The following CDK5RAP2 variants were observed in gnomAD, a reference collection of about 807,000 sequenced individuals.
CDK5RAP2 encodes the protein CDK5 regulatory subunit associated protein 2, also known as CDK5 regulatory subunit-associated protein 2.
A neutral mutation model predicts 232.9 loss-of-function variants in CDK5RAP2; 147 were observed. The ratio of observed to expected loss-of-function variants is 0.63; its 90% CI spans 0.55 to 0.72. The LOEUF (loss-of-function observed/expected upper bound fraction) is 0.72. Ranked by LOEUF, CDK5RAP2 falls within the 30% of genes least tolerant of loss-of-function variation. The pLI is 0.00. For synonymous variants in CDK5RAP2, 833 were observed against 833.7 expected, an observed-to-expected ratio of 1.00 and a Z score of 0.01; for missense variants, 2,195 against 2,231.5, an observed-to-expected ratio of 0.98 and a Z score of 0.33.
chr9:120,534,821 C>A (rs1243766949), intron 7 of CDK5RAP2, among the ~76,000 whole-genome samples: 1 of 152,178 alleles, frequency 6.6e-6, no homozygotes, highest in Non-Finnish European at 1.5e-5. Context: ...TTTAACTGCT[C>A]CAGACCTGTA....
At position 120,467,872 on chromosome 9, in the gene CDK5RAP2, T is replaced by C. The variant is rs61749209; in HGVS notation, c.2094A>G (p.Thr698=). ...AAATGTTTCTTACCTCTGTTTGTTC[T>C]GTAGACGCAAGTCTATCTGGAAACC... ...GNGFPDRLAS[T]EQTELLASKE... Residue 698 remains threonine, a synonymous_variant, in exon 18 of 38, where the codon ACA becomes ACG. Transcript: ENST00000349780. 8 of 1,614,216 alleles carry C rather than the reference T, an allele frequency of 5.0e-6. No individual in the cohort carries two copies. Among genetic ancestry groups the C allele is most frequent in the Non-Finnish European group, 8.5e-7 (1 of 1,180,020 alleles).
chr9:120,442,367 T>C (rs2035949506), intron 23 of CDK5RAP2, among the ~76,000 whole-genome samples: 1 of 152,220 alleles, frequency 6.6e-6, no homozygotes, highest in African/African-American at 2.4e-5. Context: ...AAGGCCAAGA[T>C]GCCTGTAAAA....
rs1039987216 is a variant in CDK5RAP2, at chr9:120,439,292, T to A, written c.3722+107A>T. On this transcript the variant is annotated intron_variant, in intron 24 of 37. Coordinates refer to ENST00000349780, the MANE Select transcript of CDK5RAP2 (RefSeq NM_018249.6). Reference sequence around the variant, plus strand: ...CCATCAAGCCTTCCCCAGAACACACTCTACCCATCACAGAGTAGTGTTCTC... The same window carrying A: ...CCATCAAGCCTTCCCCAGAACACACACTACCCATCACAGAGTAGTGTTCTC... 4 of 999,318 alleles carry A rather than the reference T, an allele frequency of 4.0e-6. No individual in the cohort carries two copies. In the Admixed American group the frequency reaches 6.8e-5, roughly 17 times the overall value. 61.9% of individuals were successfully genotyped at this position (999,318 alleles called of 1,614,324 possible).
At chr9:120,481,130 G>A (rs2038282050) in intron 14 of CDK5RAP2, among the ~76,000 whole-genome samples, 1 of 152,196 alleles carries the variant, frequency 6.6e-6, no homozygotes, top group Non-Finnish European at 1.5e-5. Flanking sequence ...ATGACCCAAT[G>A]TGCTTACGTG....
intron 20 of CDK5RAP2, among the ~76,000 whole-genome samples, chr9:120,455,649 G>A (rs560352709): frequency 6.6e-6 from 1 of 152,036 alleles, no homozygotes; most frequent in African/African-American, 2.4e-5. Context: ...AGGCTGAGGT[G>A]GGAGGACGGC....
chr9:120,526,879 A>G (rs2040922172), intron 10 of CDK5RAP2, among the ~76,000 whole-genome samples: 1 of 152,018 alleles, frequency 6.6e-6, no homozygotes, highest in South Asian at 2.1e-4. Context: ...TTTGTCCATA[A>G]TGGCATCCCC....
intron 3 of CDK5RAP2, among the ~76,000 whole-genome samples, chr9:120,565,954 T>C (rs1412372252): frequency 6.6e-6 from 1 of 152,180 alleles, no homozygotes; most frequent in Non-Finnish European, 1.5e-5. Context: ...CAGTGGCATA[T>C]ATTAAAAAAT....
chr9:120,526,271 G>A (rs752237012), intron 10 of CDK5RAP2, among the ~76,000 whole-genome samples: 40 of 152,016 alleles, frequency 2.6e-4, no homozygotes, highest in Non-Finnish European at 5.1e-4. Flanking sequence ...GATGGTCCAC[G>A]GGCTCCTCAA....
chr9:120,566,855 G>C (rs977602376), intron 3 of CDK5RAP2, among the ~76,000 whole-genome samples: 2 of 152,206 alleles, frequency 1.3e-5, no homozygotes, highest in Non-Finnish European at 2.9e-5. Context: ...AATAAAGAGG[G>C]TTGTGTTCAA....
In CDK5RAP2 at chr9:120,434,778, G is replaced by C. The variant is rs928898745; in HGVS notation, c.3955+2517C>G. Among the ~76,000 whole-genome samples the C allele has an allele frequency of 7.2e-5, 11 of 152,224 alleles. No individual in the cohort carries two copies. The South Asian group carries it at 2.3e-3, about 31-fold the overall frequency. On this transcript the variant is annotated intron_variant, in intron 25 of 37. Coordinates refer to ENST00000349780, the MANE Select transcript of CDK5RAP2 (RefSeq NM_018249.6). ...CACGTCAAATACTGCTGCAGTCTGA[G>C]CAAGATGAAGACTGAAAACTGATCC...
chr9:120,512,307 C>A (rs1364755637), intron 12 of CDK5RAP2, among the ~76,000 whole-genome samples: 1 of 152,156 alleles, frequency 6.6e-6, no homozygotes, highest in Admixed American at 6.5e-5. Flanking sequence ...TAGGATCGTG[C>A]CACTACACAA....
chr9:120,472,130 T>C (rs1003425659), intron 15 of CDK5RAP2, among the ~76,000 whole-genome samples: 1 of 152,228 alleles, frequency 6.6e-6, no homozygotes, highest in African/African-American at 2.4e-5. Context: ...GTAATTTACA[T>C]GGCTGAAATA....
chr9:120,530,339 C>T (rs2041095902), intron 7 of CDK5RAP2, among the ~76,000 whole-genome samples, 199 bp from the exon 8 acceptor site: 1 of 152,156 alleles, frequency 6.6e-6, no homozygotes, highest in Non-Finnish European at 1.5e-5. Context: ...CTGCCTCCAG[C>T]CTGGCTCCAG....
At chr9:120,406,491 A>G (rs541232534) in intron 32 of CDK5RAP2, 1 of 156,800 alleles carries the variant, frequency 6.4e-6, no homozygotes, top group South Asian at 1.9e-4. Flanking sequence ...TTTGCTCCAC[A>G]CCCTGGGTGG....
At position 120,437,401 on chromosome 9, in the gene CDK5RAP2, C is replaced by T; in HGVS notation, c.3849G>A (p.Glu1283=). 1 of 1,614,146 alleles carries T rather than the reference C, an allele frequency of 6.2e-7. No individual in the cohort carries two copies. The highest frequency in any genetic ancestry group is 8.5e-7 in the Non-Finnish European group (1 of 1,179,988). Residue 1283 remains glutamate (E), a synonymous_variant, in exon 25 of 38, where the codon GAG becomes GAA. Transcript: ENST00000349780. ...AATCCACATCACTGGCCTGCAGCAACTCCTCAAATGCCTTAATCATGGTGT... is the reference window on the plus strand; with the variant it reads ...AATCCACATCACTGGCCTGCAGCAATTCCTCAAATGCCTTAATCATGGTGT... ...HMNTMIKAFE[E]LLQASDVDYC... is the part of the protein sequence containing the mutation.
Position 120,436,335 on chromosome 9 carries a change from A to T in CDK5RAP2, c.3955+960T>A, listed in dbSNP as rs546281395. 3.3e-5 allele frequency among the ~76,000 whole-genome samples: 5 copies of T among 152,316 alleles called. No homozygotes were observed. In the South Asian group the frequency reaches 1.0e-3, roughly 32 times the overall value. On this transcript the variant is annotated intron_variant, in intron 25 of 37. Coordinates refer to ENST00000349780, the MANE Select transcript of CDK5RAP2 (RefSeq NM_018249.6). ...TATTGAAGTATGTTCACATCACGAA[A>T]AGAAGAAAGGGTGAGGAACTACTCC...
intron 5 of CDK5RAP2, among the ~76,000 whole-genome samples, chr9:120,541,817 G>A (rs1292532379): frequency 6.6e-6 from 1 of 152,240 alleles, no homozygotes; most frequent in Non-Finnish European, 1.5e-5. Flanking sequence ...AAGGATCTCA[G>A]TAAGTGTTAG....
chr9:120,444,168 C>T (rs551879751), intron 22 of CDK5RAP2, among the ~76,000 whole-genome samples: 2 of 152,246 alleles, frequency 1.3e-5, no homozygotes, highest in Non-Finnish European at 2.9e-5. Context: ...AATCCCAGCA[C>T]TTCGGGAGGC....
intron 12 of CDK5RAP2, among the ~76,000 whole-genome samples, chr9:120,512,092 T>C (rs1189415817): frequency 1.3e-5 from 2 of 151,990 alleles, no homozygotes; most frequent in South Asian, 2.1e-4. Flanking sequence ...CTCACACCTA[T>C]AATCCTAACA....
Sources: allele counts gnomAD v4.1 joint callset (sites outside exome capture counted in the v4.1 genomes callset), GRCh38; gene constraint gnomAD v4.1.1; transcripts MANE v1.5; gene names NCBI Gene and HGNC (gene_info 2026-07-23, HGNC 2026-07-21).